The following TRIO variants were observed in gnomAD, a reference collection of about 807,000 sequenced individuals.
TRIO encodes trio Rho guanine nucleotide exchange factor, also known as triple functional domain protein.
TRIO carries 58 observed loss-of-function variants against 351.9 expected under a neutral mutation model. That is an observed-to-expected ratio of 0.16 (90% CI 0.13 to 0.21). The LOEUF is 0.21. Ranked by LOEUF, TRIO falls within the 10% of genes least tolerant of loss-of-function variation. The probability of loss-of-function intolerance (pLI) is 1.00; values close to 1 mark genes in which losing one functional copy is unlikely to be tolerated. For missense variants in TRIO, 3,201 were observed against 4,027.8 expected, an observed-to-expected ratio of 0.79 and a Z score of 5.56; for synonymous variants, 1,758 against 1,595.7, an observed-to-expected ratio of 1.10 and a Z score of -2.42.
At chr5:14,211,299 A>G (rs1791877007) in intron 1 of TRIO, among the ~76,000 whole-genome samples, 1 of 152,218 alleles carries the variant, frequency 6.6e-6, no homozygotes, top group Non-Finnish European at 1.5e-5. Context: ...GTTAACATAT[A>G]ATAATTTGGG....
At chr5:14,168,624 GTTTC>G (rs945865664) in intron 1 of TRIO, among the ~76,000 whole-genome samples, 4 of 152,298 alleles carry the variant, frequency 2.6e-5, no homozygotes, top group East Asian at 1.9e-4. Flanking sequence ...TCTTCTTCCT[GTTTC>G]TTCTGATTCT....
intron 1 of TRIO, among the ~76,000 whole-genome samples, chr5:14,242,033 G>T (rs1461207504): frequency 6.6e-6 from 1 of 152,212 alleles, no homozygotes; most frequent in Non-Finnish European, 1.5e-5. Context: ...ACTCTTGCCT[G>T]TATCAACTCT....
intron 41 of TRIO, chr5:14,477,317 A>C (rs1755156628): frequency 5.5e-6 from 1 of 181,182 alleles, no homozygotes; most frequent in South Asian, 2.0e-4. Flanking sequence ...AATAGTGTGG[A>C]TATCGAAAAT....
intron 54 of TRIO, 22 bp downstream of exon 54, chr5:14,502,679 G>A (rs369542295): frequency 4.3e-6 from 7 of 1,612,640 alleles, no homozygotes; most frequent in East Asian, 2.2e-5. Flanking sequence ...AACCCAGAAC[G>A]CCTTCCGAAA....
At chr5:14,319,096 A>G (rs998012901) in intron 9 of TRIO, among the ~76,000 whole-genome samples, 1 of 152,234 alleles carries the variant, frequency 6.6e-6, no homozygotes. Flanking sequence ...AAAGGTAATT[A>G]TAATTATGAG....
chr5:14,174,505 T>C (rs1789291671), intron 1 of TRIO, among the ~76,000 whole-genome samples: 1 of 152,176 alleles, frequency 6.6e-6, no homozygotes. Flanking sequence ...ACAGGATTGA[T>C]GAGCAACCCT....
At chr5:14,289,667 G>A (rs747558189) in intron 4 of TRIO, among the ~76,000 whole-genome samples, 3 of 151,978 alleles carry the variant, frequency 2.0e-5, no homozygotes, top group Non-Finnish European at 1.5e-5. Flanking sequence ...GACCAACATG[G>A]TGAAACCCCG....
chr5:14,210,886 C>G (rs183778713), intron 1 of TRIO, among the ~76,000 whole-genome samples: 74 of 152,088 alleles, frequency 4.9e-4, no homozygotes, highest in Non-Finnish European at 1.0e-3. Flanking sequence ...TTGTCCTACC[C>G]TCCACTCCCT....
At chr5:14,372,281 G>A (rs1429192697) in intron 18 of TRIO, among the ~76,000 whole-genome samples, 1 of 147,562 alleles carries the variant, frequency 6.8e-6, no homozygotes, top group Admixed American at 6.8e-5. Flanking sequence ...AGAGAGTGCA[G>A]GCGAGCTTGG....
intron 3 of TRIO, among the ~76,000 whole-genome samples, chr5:14,281,012 G>C (rs945603869): frequency 6.6e-6 from 1 of 152,144 alleles, no homozygotes; most frequent in Non-Finnish European, 1.5e-5. Flanking sequence ...CGCAAGTGGG[G>C]AGTCATGAGT....
At chr5:14,210,992 G>A (rs562276956) in intron 1 of TRIO, among the ~76,000 whole-genome samples, 1 of 151,980 alleles carries the variant, frequency 6.6e-6, no homozygotes, top group African/African-American at 2.4e-5. Context: ...TGAGCCCCTA[G>A]ATAACTTAGG....
At chr5:14,170,882 T>C (rs1365208871) in intron 1 of TRIO, among the ~76,000 whole-genome samples, 1 of 152,146 alleles carries the variant, frequency 6.6e-6, no homozygotes, top group African/African-American at 2.4e-5. Context: ...ACTATTTACA[T>C]TGAAAATACT....
rs761606051 is a variant in TRIO at position 14,420,035 on chromosome 5, G to C, written c.5203+14G>C. ...TCAACCACAAAGGTAGGAATCAGTGGGGCATGGGTGGCAGACCCCTACTGG... is the reference window on the plus strand; with the variant it reads ...TCAACCACAAAGGTAGGAATCAGTGCGGCATGGGTGGCAGACCCCTACTGG... On this transcript the variant is annotated intron_variant, in intron 34 of 56. Transcript: ENST00000344204. The C allele has an allele frequency of 1.9e-6, 3 of 1,606,422 alleles. No homozygotes were observed. The highest frequency in any genetic ancestry group is 3.3e-5 in the Admixed American group (2 of 59,900).
intron 27 of TRIO, among the ~76,000 whole-genome samples, chr5:14,392,819 G>C (rs1647592827): frequency 6.6e-6 from 1 of 152,138 alleles, no homozygotes; most frequent in African/African-American, 2.4e-5. Context: ...GGCCAAGGCA[G>C]GTGGATCATG....
intron 7 of TRIO, among the ~76,000 whole-genome samples, chr5:14,301,481 C>T (rs1183343135): frequency 6.6e-6 from 1 of 152,122 alleles, no homozygotes; most frequent in Non-Finnish European, 1.5e-5. Flanking sequence ...ACTGCAGTAG[C>T]CACCTTCTGT....
At chr5:14,468,360 C>T (rs1013170386) in intron 37 of TRIO, among the ~76,000 whole-genome samples, 1 of 152,248 alleles carries the variant, frequency 6.6e-6, no homozygotes, top group Admixed American at 6.5e-5. Flanking sequence ...TTCCACCAGG[C>T]AAGTCCTTCA....
chr5:14,333,068 A>T (rs1741054494), intron 10 of TRIO, among the ~76,000 whole-genome samples: 1 of 152,174 alleles, frequency 6.6e-6, no homozygotes, highest in African/African-American at 2.4e-5. Flanking sequence ...CCAGTGGAAA[A>T]TAATGAGACT....
intron 1 of TRIO, among the ~76,000 whole-genome samples, chr5:14,157,871 A>G (rs1216901120): frequency 1.3e-5 from 2 of 152,128 alleles, no homozygotes; most frequent in East Asian, 3.9e-4. Context: ...TATACACAGG[A>G]GCCACTGCAC....
chr5:14,151,786 A>G (rs998352411), intron 1 of TRIO, among the ~76,000 whole-genome samples: 1 of 152,234 alleles, frequency 6.6e-6, no homozygotes, highest in Non-Finnish European at 1.5e-5. Flanking sequence ...GAAGGATGCC[A>G]CTGATACCTG....
Sources: gnomAD v4.1 joint callset for allele counts (sites outside exome capture counted in the v4.1 genomes callset) on GRCh38, gnomAD v4.1.1 for gene constraint, MANE v1.5 for transcripts, NCBI Gene and HGNC (gene_info 2026-07-23, HGNC 2026-07-21) for gene names.